SLC7A11: variants seen among roughly 807,000 people sequenced by gnomAD.
SLC7A11 encodes solute carrier family 7 member 11, also known as cystine/glutamate transporter.
In SLC7A11, 35 loss-of-function variants were observed where a neutral mutation model predicts 54.5. The observed-to-expected ratio is 0.64, with a 90% CI of 0.49 to 0.85. The LOEUF (loss-of-function observed/expected upper bound fraction) is 0.85, where lower values mean the gene tolerates loss of function less well. Ranked by LOEUF, SLC7A11 falls within the 40% of genes least tolerant of loss-of-function variation. The probability of loss-of-function intolerance (pLI) is 0.00; values close to 1 mark genes in which losing one functional copy is unlikely to be tolerated. For synonymous variants in SLC7A11, 230 were observed against 225.2 expected, an observed-to-expected ratio of 1.02 and a Z score of -0.19; for missense variants, 583 against 618.1, an observed-to-expected ratio of 0.94 and a Z score of 0.60.
intron 4 of SLC7A11, among the ~76,000 whole-genome samples, chr4:138,221,038 A>G (rs995570859): frequency 6.6e-6 from 1 of 152,200 alleles, no homozygotes; most frequent in African/African-American, 2.4e-5. Flanking sequence ...AAATATAAAT[A>G]GTGGAATTCA....
intron 1 of SLC7A11, 148 bp downstream of exon 1, chr4:138,241,645 G>C: frequency 1.6e-6 from 1 of 625,128 alleles, no homozygotes. Context: ...GCTGCATCTG[G>C]GTAGTTCACG....
At chr4:138,217,635 C>T (rs1400932138) in intron 5 of SLC7A11, among the ~76,000 whole-genome samples, 1 of 152,170 alleles carries the variant, frequency 6.6e-6, no homozygotes, top group Non-Finnish European at 1.5e-5. Context: ...AAATTTCATT[C>T]AACAGAATTA....
intron 6 of SLC7A11, among the ~76,000 whole-genome samples, chr4:138,197,108 T>C (rs914716331): frequency 6.6e-6 from 1 of 152,232 alleles, no homozygotes; most frequent in African/African-American, 2.4e-5. Context: ...GCAGACTTCT[T>C]AGGTAATGTG....
intron 6 of SLC7A11, among the ~76,000 whole-genome samples, chr4:138,199,586 C>G (rs1210177418): frequency 6.6e-6 from 1 of 152,018 alleles, no homozygotes; most frequent in East Asian, 1.9e-4. Flanking sequence ...GCGCATAGAT[C>G]AGAGGCAGGG....
chr4:138,165,719 G>GT lies in SLC7A11; in HGVS notation c.*6236dup, dbSNP rs1578619006. On this transcript the variant is annotated 3_prime_UTR_variant, in exon 12 of 12. Coordinates refer to ENST00000280612, the MANE Select transcript of SLC7A11 (RefSeq NM_014331.4). The stretch of plus-strand genomic sequence containing the variant: ...AGATTCTAGGAATTGTCCTAAAAGA[G>GT]TAAAGTGTTGTTTCCTTTCTGAACA... The GT allele has an allele frequency of 1.3e-5, 2 of 152,216 alleles. No homozygotes were observed. The highest frequency in any genetic ancestry group is 3.9e-4 in the East Asian group (2 of 5,178). The allele number at this position is 152,216 out of a possible 1,614,324, so 9.4% of individuals were successfully genotyped here.
At chr4:138,209,973 A>G (rs1291307500) in intron 6 of SLC7A11, among the ~76,000 whole-genome samples, 1 of 152,066 alleles carries the variant, frequency 6.6e-6, no homozygotes, top group Non-Finnish European at 1.5e-5. Context: ...CAGAGGCATC[A>G]CATTACTTGA....
chr4:138,226,906 T>G (rs1408856393), intron 3 of SLC7A11, among the ~76,000 whole-genome samples: 1 of 152,112 alleles, frequency 6.6e-6, no homozygotes, highest in Non-Finnish European at 1.5e-5. Flanking sequence ...TTTACCAAAA[T>G]AAAAATACAG....
chr4:138,188,159 G>A (rs923053955), intron 6 of SLC7A11, among the ~76,000 whole-genome samples: 2 of 152,138 alleles, frequency 1.3e-5, no homozygotes, highest in African/African-American at 4.8e-5. Context: ...TGCCTCCCAA[G>A]TTCAAGCAAC....
intron 1 of SLC7A11, among the ~76,000 whole-genome samples, chr4:138,237,983 C>A (rs1331900992): frequency 1.3e-5 from 2 of 150,986 alleles, no homozygotes; most frequent in East Asian, 2.0e-4. Context: ...AAACTCCCGA[C>A]CTCAGGTGAT....
At chr4:138,214,425 A>G (rs911208949) in intron 6 of SLC7A11, among the ~76,000 whole-genome samples, 160 bp downstream of exon 6, 10 of 151,164 alleles carry the variant, frequency 6.6e-5, no homozygotes, top group Admixed American at 6.6e-5. Context: ...AATTTATGAT[A>G]AAGTCAAATA....
chr4:138,173,861 A>G (rs1306531518), intron 11 of SLC7A11, among the ~76,000 whole-genome samples: 1 of 152,130 alleles, frequency 6.6e-6, no homozygotes, highest in African/African-American at 2.4e-5. Flanking sequence ...ATTAAAGCCC[A>G]TATTTTCAGA....
chr4:138,192,530 A>C (rs1737035789), intron 6 of SLC7A11, among the ~76,000 whole-genome samples: 1 of 152,104 alleles, frequency 6.6e-6, no homozygotes, highest in South Asian at 2.1e-4. Context: ...TGTCTGTTGT[A>C]ACAGCTAGCA....
chr4:138,231,627 T>C (rs985750773), intron 3 of SLC7A11, among the ~76,000 whole-genome samples: 5 of 152,204 alleles, frequency 3.3e-5, no homozygotes, highest in African/African-American at 9.6e-5. Flanking sequence ...TAGAGTCATA[T>C]ATGGCTTCAT....
chr4:138,211,805 T>C (rs1211533654), intron 6 of SLC7A11, among the ~76,000 whole-genome samples: 1 of 146,596 alleles, frequency 6.8e-6, no homozygotes, highest in African/African-American at 2.7e-5. Context: ...ATATTGTATG[T>C]TTTCACTCAC....
intron 8 of SLC7A11, among the ~76,000 whole-genome samples, chr4:138,182,657 T>C (rs1018489734): frequency 6.6e-6 from 1 of 152,132 alleles, no homozygotes; most frequent in Admixed American, 6.6e-5. Context: ...TCTCTACATA[T>C]AAATAGCTGA....
chr4:138,237,815 G>A (rs1160742068), intron 1 of SLC7A11, among the ~76,000 whole-genome samples: 9 of 129,552 alleles, frequency 6.9e-5, no homozygotes, highest in Non-Finnish European at 1.1e-4. Flanking sequence ...GCAGTGGCAC[G>A]ATCTCTGCTC....
intron 7 of SLC7A11, 148 bp downstream of exon 7, chr4:138,184,973 T>G (rs1736840520): frequency 1.3e-6 from 1 of 758,012 alleles, no homozygotes; most frequent in South Asian, 1.5e-5. Context: ...TGCTAAGGTA[T>G]GCTCTAAATT....
Position 138,223,259 on chromosome 4 carries a change from A to T in SLC7A11, c.586T>A (p.Phe196Ile). Residue 196 changes from phenylalanine to isoleucine, a missense_variant, in exon 4 of 12, where the codon TTT becomes ATT. By Grantham distance (21) the Phe-to-Ile change is conservative. Transcript: ENST00000280612. ...WSARIQIFLTFCKLTAILIII... is the reference protein window; with the variant it reads ...WSARIQIFLTICKLTAILIII... ...ATCAGAATTGCTGTGAGCTTGCAAA[A>T]GGTTAAGAAAATCTGGATCCGGGCG... is the stretch of plus-strand genomic sequence containing the variant. The T allele has an allele frequency of 6.2e-7, 1 of 1,613,686 alleles. No individual in the cohort carries two copies. Among genetic ancestry groups the T allele is most frequent in the Non-Finnish European group, 8.5e-7 (1 of 1,179,606 alleles).
intron 6 of SLC7A11, among the ~76,000 whole-genome samples, chr4:138,205,490 C>G (rs952349398): frequency 3.3e-5 from 5 of 151,972 alleles, no homozygotes; most frequent in African/African-American, 1.2e-4. Context: ...AATATAATAA[C>G]CTGAATGCAT....
Sources: allele counts gnomAD v4.1 joint callset (sites outside exome capture counted in the v4.1 genomes callset), GRCh38; gene constraint gnomAD v4.1.1; transcripts MANE v1.5; gene names NCBI Gene and HGNC (gene_info 2026-07-23, HGNC 2026-07-21).